Variants in SYN3 observed in about 807,000 individuals in gnomAD.
SYN3 encodes synapsin III.
A neutral mutation model predicts 65.8 loss-of-function variants in SYN3; 35 were observed. The observed-to-expected ratio is 0.53, with a 90% confidence interval of 0.41 to 0.70. The LOEUF is 0.70. Ranked by LOEUF, SYN3 falls within the 30% of genes least tolerant of loss-of-function variation. The pLI is 0.00. For synonymous variants in SYN3, 270 were observed against 292.9 expected (o/e 0.92, Z 0.80); for missense variants, 680 against 749.0 (o/e 0.91, Z 1.08).
chr22:32,813,167 A>G (rs2046958385), intron 6 of SYN3, among the ~76,000 whole-genome samples: 1 of 152,188 alleles, frequency 6.6e-6, no homozygotes, highest in South Asian at 2.1e-4. Context: ...CCTACCAAAT[A>G]TGTTTATGGT....
chr22:32,517,438 G>A (rs182222966), intron 13 of SYN3, among the ~76,000 whole-genome samples: 10 of 152,330 alleles, frequency 6.6e-5, no homozygotes, highest in Non-Finnish European at 1.3e-4. Flanking sequence ...CCTCAGTGAA[G>A]CTGCCAGATG....
rs1021009813 is a variant in SYN3 at position 32,507,888 on chromosome 22, C to T, written c.*5804G>A. On this transcript the variant is annotated 3_prime_UTR_variant, in exon 14 of 14. Transcript: ENST00000358763. ...ATCCCCACAATATCACCCCTTACCA[C>T]GAGACCTCCCTTCAGCTTAATCTCT... Among the ~76,000 whole-genome samples the T allele has an allele frequency of 3.0e-4, 45 of 152,186 alleles. No homozygotes were observed. The highest frequency in any genetic ancestry group is 7.3e-5 in the Non-Finnish European group (5 of 68,034).
chr22:32,572,538 C>CT (rs1569052376), intron 7 of SYN3, among the ~76,000 whole-genome samples: 1 of 132,334 alleles, frequency 7.6e-6, no homozygotes, highest in Non-Finnish European at 1.6e-5. Flanking sequence ...TTCCTTCTTT[C>CT]TTTTTTCTCT....
At chr22:32,592,984 A>C (rs935007030) in intron 7 of SYN3, among the ~76,000 whole-genome samples, 1 of 152,184 alleles carries the variant, frequency 6.6e-6, no homozygotes, top group Non-Finnish European at 1.5e-5. Context: ...CACTGAGCTC[A>C]TTGACAGCCT....
intron 4 of SYN3, among the ~76,000 whole-genome samples, chr22:32,914,903 G>A (rs2050149300): frequency 6.6e-6 from 1 of 152,178 alleles, no homozygotes; most frequent in Admixed American, 6.5e-5. Flanking sequence ...AAGGAGTGGG[G>A]CTCAAACTAA....
At chr22:32,978,387 A>C (rs1465274725) in intron 3 of SYN3, among the ~76,000 whole-genome samples, 4 of 152,088 alleles carry the variant, frequency 2.6e-5, no homozygotes, top group African/African-American at 7.2e-5. Context: ...TCATTGAGAG[A>C]GAGAATTAGG....
rs112695934 is a variant in SYN3, at chr22:32,989,835, C to CAA, written c.312-9135_312-9134dup. Reference sequence around the variant, plus strand: ...GGGTGACAGAGTGAGACTCCATCTTCAAAAAAAAAAAAAAAAAAAGGCATC... The same window carrying CAA: ...GGGTGACAGAGTGAGACTCCATCTTCAAAAAAAAAAAAAAAAAAAAAGGCATC... On this transcript the variant is annotated intron_variant, in intron 2 of 13. Coordinates refer to ENST00000358763, the MANE Select transcript of SYN3 (RefSeq NM_003490.4). Among the ~76,000 whole-genome samples, 276 of 88,140 alleles carry CAA rather than the reference C, an allele frequency of 3.1e-3. 3 individuals carry two copies. The highest frequency in any genetic ancestry group is 9.3e-3 in the African/African-American group (205 of 22,160). The allele number at this position is 88,140 out of a possible 152,430, so 57.8% of individuals were successfully genotyped here. A position where few individuals can be genotyped will look rare whatever the true frequency, so the allele number is the denominator to read the frequency against.
rs1355817028 is a variant in SYN3, at chr22:33,006,815, T to A, written c.-153A>T. ...ACCAGCAGTCAGCTTTAGCTGCCTT[T>A]ATTTACCTGCTGGAAATAAGCCAAC... On this transcript the variant is annotated 5_prime_UTR_variant, in exon 2 of 14. Coordinates refer to ENST00000358763, the MANE Select transcript of SYN3 (RefSeq NM_003490.4). 7 of 639,700 alleles carry A rather than the reference T, an allele frequency of 1.1e-5. No individual in the cohort carries two copies. The highest frequency in any genetic ancestry group is 3.6e-5 in the African/African-American group (2 of 55,210). 39.6% of individuals were successfully genotyped at this position (639,700 alleles called of 1,614,324 possible).
chr22:33,039,848 T>C (rs1325091451), intron 1 of SYN3, among the ~76,000 whole-genome samples: 1 of 152,204 alleles, frequency 6.6e-6, no homozygotes, highest in Non-Finnish European at 1.5e-5. Flanking sequence ...TCAACTTGTA[T>C]GTGACCTAAA....
intron 9 of SYN3, among the ~76,000 whole-genome samples, chr22:32,536,102 C>T (rs1306444973): frequency 6.6e-6 from 1 of 152,200 alleles, no homozygotes; most frequent in Non-Finnish European, 1.5e-5. Flanking sequence ...GATAGGTGGC[C>T]TGCTGGGGAC....
intron 2 of SYN3, among the ~76,000 whole-genome samples, chr22:33,001,322 A>T (rs2053053023): frequency 6.6e-6 from 1 of 152,316 alleles, no homozygotes; most frequent in South Asian, 2.1e-4. Context: ...TGTGGAATAG[A>T]GAGACTGAAC....
At chr22:32,537,065 T>C (rs2058177793) in intron 9 of SYN3, among the ~76,000 whole-genome samples, 1 of 152,172 alleles carries the variant, frequency 6.6e-6, no homozygotes, top group Admixed American at 6.5e-5. Context: ...TGTCCATTGC[T>C]ATTGTGTGGC....
At chr22:32,616,246 G>A (rs1035779257) in intron 6 of SYN3, among the ~76,000 whole-genome samples, 2 of 152,104 alleles carry the variant, frequency 1.3e-5, no homozygotes, top group East Asian at 1.9e-4. Flanking sequence ...TCGAGGTGGC[G>A]AGCTGGTCCA....
chr22:32,528,321 G>T (rs1314833732), intron 11 of SYN3, among the ~76,000 whole-genome samples: 1 of 152,206 alleles, frequency 6.6e-6, no homozygotes, highest in Non-Finnish European at 1.5e-5. Flanking sequence ...GAAATCTGGG[G>T]TGGGAGGTGG....
chr22:32,645,318 G>T (rs974278082), intron 6 of SYN3, among the ~76,000 whole-genome samples: 3 of 151,952 alleles, frequency 2.0e-5, no homozygotes, highest in Admixed American at 1.3e-4. Flanking sequence ...GGGCATGGTG[G>T]CGCATGCCTG....
intron 6 of SYN3, among the ~76,000 whole-genome samples, chr22:32,751,406 G>C (rs767641825): frequency 5.9e-5 from 9 of 152,162 alleles, no homozygotes; most frequent in Non-Finnish European, 1.2e-4. Context: ...AAGAGGGGTG[G>C]GGTAGGGAAA....
At chr22:32,856,713 A>G (rs956492427) in intron 6 of SYN3, among the ~76,000 whole-genome samples, 1 of 152,154 alleles carries the variant, frequency 6.6e-6, no homozygotes, top group Non-Finnish European at 1.5e-5. Context: ...ACAATAAGTT[A>G]TTGTTTACTG....
chr22:33,028,649 G>GTGGTGGTGGTGGTGGTGGTGA (rs2145886148), intron 1 of SYN3, among the ~76,000 whole-genome samples: 1 of 103,240 alleles, frequency 9.7e-6, no homozygotes, highest in Non-Finnish European at 1.8e-5. Flanking sequence ...CATGATGGTG[G>GTGGTGGTGGTGGTGGTGGTGA]TGGTGGTGGT....
At chr22:32,849,221 T>C (rs1240583338) in intron 6 of SYN3, among the ~76,000 whole-genome samples, 1 of 152,150 alleles carries the variant, frequency 6.6e-6, no homozygotes, top group Non-Finnish European at 1.5e-5. Flanking sequence ...GAGCTGGCAA[T>C]TGTGAATATT....
Sources: gnomAD v4.1 joint callset for allele counts (sites outside exome capture counted in the v4.1 genomes callset) on GRCh38, gnomAD v4.1.1 for gene constraint, MANE v1.5 for transcripts, NCBI Gene and HGNC (gene_info 2026-07-23, HGNC 2026-07-21) for gene names.